Variants in PDS5A observed in about 807,000 individuals in gnomAD.
PDS5A encodes the protein PDS5 cohesin associated factor A.
PDS5A carries 42 observed loss-of-function variants against 167.1 expected under a neutral mutation model. The observed-to-expected ratio is 0.25, with a 90% CI of 0.20 to 0.33. PDS5A has a LOEUF of 0.33. Ranked by LOEUF, PDS5A falls within the 10% of genes least tolerant of loss-of-function variation. PDS5A has a pLI of 1.00. For missense variants in PDS5A, 1,033 were observed against 1,605.9 expected (o/e 0.64, Z 6.10); for synonymous variants, 553 against 554.6 (o/e 1.00, Z 0.04).
intron 2 of PDS5A, among the ~76,000 whole-genome samples, chr4:39,939,819 C>A (rs1196632488): frequency 6.6e-6 from 1 of 151,510 alleles, no homozygotes. Context: ...AACAAACAAA[C>A]AAAAAAACAG....
chr4:39,943,851 C>T (rs1432254072), intron 2 of PDS5A, among the ~76,000 whole-genome samples: 1 of 151,330 alleles, frequency 6.6e-6, no homozygotes, highest in African/African-American at 2.4e-5. Context: ...TTCTACCAGA[C>T]CTAAACCATT....
At chr4:39,890,883 C>A (rs1006782106) in intron 16 of PDS5A, among the ~76,000 whole-genome samples, 1 of 152,052 alleles carries the variant, frequency 6.6e-6, no homozygotes. Context: ...TCCCAAAGTG[C>A]TGGGATTACA....
At chr4:39,933,329 G>A (rs552846156) in intron 2 of PDS5A, 10 of 152,282 alleles carry the variant, frequency 6.6e-5, no homozygotes, top group African/African-American at 2.2e-4. Flanking sequence ...TCAGCTACTT[G>A]GGAGGCTGAG....
At chr4:39,950,385 C>T (rs1037987050) in intron 2 of PDS5A, among the ~76,000 whole-genome samples, 15 of 151,732 alleles carry the variant, frequency 9.9e-5, no homozygotes, top group African/African-American at 3.6e-4. Context: ...CGAGATCATG[C>T]CACTGTATAC....
chr4:39,948,170 T>C (rs940341654), intron 2 of PDS5A, among the ~76,000 whole-genome samples: 5 of 133,382 alleles, frequency 3.7e-5, no homozygotes, highest in Non-Finnish European at 7.6e-5. Flanking sequence ...CAGGATTCCT[T>C]AAGCTCAGGA....
At chr4:39,914,160 TTG>T (rs774945773) in intron 8 of PDS5A, among the ~76,000 whole-genome samples, 9,052 of 88,850 alleles carry the variant, frequency 0.1, 323 homozygotes, top group East Asian at 0.24. Context: ...ATATACAAAT[TTG>T]TTTTTTTTTT....
At chr4:39,940,567 G>A (rs961433243) in intron 2 of PDS5A, among the ~76,000 whole-genome samples, 1 of 152,232 alleles carries the variant, frequency 6.6e-6, no homozygotes, top group Non-Finnish European at 1.5e-5. Context: ...TTTAGATAAT[G>A]TAGGGGCTTC....
chr4:39,933,481 G>A (rs987623137), intron 2 of PDS5A: 1 of 151,852 alleles, frequency 6.6e-6, no homozygotes, highest in South Asian at 2.1e-4. Context: ...TTTTACCTAC[G>A]AGATTCACTA....
At chr4:39,864,985 A>G (rs181751580) in intron 23 of PDS5A, among the ~76,000 whole-genome samples, 6 of 152,320 alleles carry the variant, frequency 3.9e-5, no homozygotes, top group African/African-American at 1.4e-4. Context: ...ATACTCATGA[A>G]TTATGAGTGT....
chr4:39,949,139 CAAAA>C (rs77603241), intron 2 of PDS5A, among the ~76,000 whole-genome samples: 4 of 140,694 alleles, frequency 2.8e-5, no homozygotes, highest in African/African-American at 1.0e-4. Flanking sequence ...CAAAAAACAC[CAAAA>C]AAAAAAAAGA....
intron 2 of PDS5A, chr4:39,973,783 C>T: frequency 7.9e-7 from 1 of 1,271,250 alleles, no homozygotes; most frequent in South Asian, 1.2e-5. Flanking sequence ...CCCCTACCAG[C>T]CAGCACCTCC....
At chr4:39,831,259 C>T (rs1715838413) in intron 32 of PDS5A, among the ~76,000 whole-genome samples, 1 of 152,180 alleles carries the variant, frequency 6.6e-6, no homozygotes, top group Admixed American at 6.5e-5. Context: ...CGCCACCATG[C>T]CCGGCTAAAT....
intron 32 of PDS5A, among the ~76,000 whole-genome samples, chr4:39,829,121 A>G (rs1362600120): frequency 3.3e-5 from 5 of 152,174 alleles, no homozygotes; most frequent in Admixed American, 1.3e-4. Flanking sequence ...TGGCACCTCT[A>G]TGTCTTCTCT....
intron 5 of PDS5A, among the ~76,000 whole-genome samples, chr4:39,924,265 T>C (rs1034718247): frequency 6.6e-6 from 1 of 152,056 alleles, no homozygotes; most frequent in African/African-American, 2.4e-5. Flanking sequence ...CCAAATAAAA[T>C]CAACTGCCAA....
intron 26 of PDS5A, among the ~76,000 whole-genome samples, chr4:39,858,781 G>A (rs558332282): frequency 2.6e-5 from 4 of 151,978 alleles, no homozygotes; most frequent in South Asian, 2.1e-4. Flanking sequence ...CCTCCACAAC[G>A]CGTGGCTAAT....
chr4:39,957,882 G>A (rs1352089831), intron 2 of PDS5A, among the ~76,000 whole-genome samples: 1 of 152,038 alleles, frequency 6.6e-6, no homozygotes, highest in Non-Finnish European at 1.5e-5. Flanking sequence ...CAGGCCGGGG[G>A]TGATGGCTCA....
At chr4:39,890,212 A>G (rs1560458030) in intron 17 of PDS5A, 37 bp downstream of exon 17, 11 of 1,095,236 alleles carry the variant, frequency 1.0e-5, no homozygotes, top group Non-Finnish European at 1.3e-5. Context: ...GTTGCAGATT[A>G]TTATTTATTT....
At chr4:39,910,486 TA>T (rs1408246102) in intron 9 of PDS5A, 148 bp from the exon 10 acceptor site, 1 of 574,406 alleles carries the variant, frequency 1.7e-6, no homozygotes, top group African/African-American at 1.9e-5. Flanking sequence ...AGGAAGAATA[TA>T]AAGTACACTA....
intron 28 of PDS5A, chr4:39,847,186 T>C (rs1717683882): frequency 6.6e-6 from 1 of 152,198 alleles, no homozygotes; most frequent in South Asian, 2.1e-4. Context: ...AGATAAGGTG[T>C]AGTGACAAGT....
Sources: gnomAD v4.1 joint callset for allele counts (sites outside exome capture counted in the v4.1 genomes callset) on GRCh38, gnomAD v4.1.1 for gene constraint, MANE v1.5 for transcripts, NCBI Gene and HGNC (gene_info 2026-07-23, HGNC 2026-07-21) for gene names.